The following LPP variants were observed in gnomAD, a reference collection of about 807,000 sequenced individuals.
LPP encodes the protein LIM domain containing preferred translocation partner in lipoma.
A neutral mutation model predicts 60.4 loss-of-function variants in LPP; 38 were observed. That is an observed-to-expected ratio of 0.63 (90% confidence interval 0.49 to 0.83). The LOEUF (loss-of-function observed/expected upper bound fraction) is 0.83. Among genes scored for constraint, LPP ranks in the 40% least tolerant of loss-of-function variants. The probability of loss-of-function intolerance (pLI) is 0.00; values close to 1 mark genes in which losing one functional copy is unlikely to be tolerated. For missense variants in LPP, 902 were observed against 783.6 expected (o/e 1.15, Z -1.80); for synonymous variants, 328 against 290.8 (o/e 1.13, Z -1.30).
chr3:188,743,686 T>TC (rs1474465970), intron 8 of LPP: 1 of 152,094 alleles, frequency 6.6e-6, no homozygotes, highest in Non-Finnish European at 1.5e-5. Context: ...GGCAGTGTAC[T>TC]CCAACTTCCT....
At chr3:188,240,241 A>C (rs548772304) in intron 2 of LPP, 1 of 174,740 alleles carries the variant, frequency 5.7e-6, no homozygotes, top group East Asian at 1.0e-4. Flanking sequence ...TTGGTATCAA[A>C]TTTTAAGCCA....
At chr3:188,660,059 A>G (rs1261164753) in intron 7 of LPP, among the ~76,000 whole-genome samples, 1 of 152,130 alleles carries the variant, frequency 6.6e-6, no homozygotes, top group African/African-American at 2.4e-5. Flanking sequence ...CACAGCTCAC[A>G]TATTTGTTTT....
In LPP at chr3:188,514,985, C is replaced by T. The variant is rs542575631; in HGVS notation, c.307-9680C>T. ...TTGGGTTGGCCAAACATTGCTAACA[C>T]TGGGTGAGTGTGTTAGGGCTGAAAA... On this transcript the variant is annotated intron_variant, in intron 5 of 11. Coordinates refer to ENST00000617246, the MANE Select transcript of LPP (RefSeq NM_001375462.1). Among the ~76,000 whole-genome samples, 30 of 152,176 alleles carry T rather than the reference C, an allele frequency of 2.0e-4. No homozygotes were observed. In the Middle Eastern group the frequency reaches 0.01, roughly 52 times the overall value.
intron 9 of LPP, among the ~76,000 whole-genome samples, chr3:188,828,179 AATAATTGGC>A (rs931716946): frequency 2.6e-5 from 4 of 152,140 alleles, no homozygotes; most frequent in Non-Finnish European, 4.4e-5. Context: ...CAATAAACAA[AATAATTGGC>A]AAATTATATA....
At chr3:188,240,441 T>C (rs1723896180) in intron 2 of LPP, among the ~76,000 whole-genome samples, 1 of 151,784 alleles carries the variant, frequency 6.6e-6, no homozygotes, top group African/African-American at 2.4e-5. Flanking sequence ...TCAGATTGTT[T>C]GACAGTAGCA....
Position 188,890,499 on chromosome 3 carries a change from T to C in LPP, c.*16020T>C, listed in dbSNP as rs1307182838. ...TATTTTCTTTTGTGTTTATGCATTA[T>C]CTGACTATATTAAAACCTGTTTTTC... On this transcript the variant is annotated 3_prime_UTR_variant, in exon 12 of 12. Transcript: ENST00000617246. 1.1e-5 allele frequency: 2 copies of C among 188,638 alleles called. No homozygotes were observed. Among genetic ancestry groups the C allele is most frequent in the Non-Finnish European group, 2.2e-5 (2 of 89,778 alleles). 11.7% of individuals were successfully genotyped at this position (188,638 alleles called of 1,614,324 possible).
chr3:188,843,374 G>T (rs562316575), intron 9 of LPP, among the ~76,000 whole-genome samples: 4 of 152,150 alleles, frequency 2.6e-5, no homozygotes, highest in Non-Finnish European at 5.9e-5. Context: ...GCAGCTCTGC[G>T]CTGGCTTGGC....
At chr3:188,620,143 A>G (rs1845544204) in intron 7 of LPP, among the ~76,000 whole-genome samples, 1 of 152,190 alleles carries the variant, frequency 6.6e-6, no homozygotes. Context: ...ATTTGCATAC[A>G]GTATAATTCG....
At chr3:188,456,439 A>AC (rs1396661730) in intron 4 of LPP, among the ~76,000 whole-genome samples, 1 of 152,254 alleles carries the variant, frequency 6.6e-6, no homozygotes, top group Admixed American at 6.5e-5. Flanking sequence ...TAAAAGAAAC[A>AC]CAGGTATGTT....
At position 188,381,602 on chromosome 3, in the gene LPP, C is replaced by T. The variant is rs189237149; in HGVS notation, c.-9-24510C>T. On this transcript the variant is annotated intron_variant, in intron 3 of 11. Coordinates refer to ENST00000617246, the MANE Select transcript of LPP (RefSeq NM_001375462.1). ...AGGAGTAGGTACCCACTTTCCGATT[C>T]GGGGGACTGGATTGTGTCATTCATT... is the stretch of plus-strand genomic sequence containing the variant. Among the ~76,000 whole-genome samples the T allele has an allele frequency of 2.1e-3, 314 of 152,208 alleles. 3 individuals are homozygous for T. Among genetic ancestry groups the T allele is most frequent in the African/African-American group, 7.3e-3 (305 of 41,542 alleles).
intron 7 of LPP, among the ~76,000 whole-genome samples, chr3:188,621,626 T>C (rs532922831): frequency 5.8e-4 from 88 of 152,324 alleles, no homozygotes; most frequent in Admixed American, 2.9e-3. Context: ...GTGTAACCGA[T>C]AAATTAGTAT....
At position 188,862,712 on chromosome 3, in the gene LPP, C is replaced by CAAA. The variant is rs140751676; in HGVS notation, c.1411-3483_1411-3481dup. On this transcript the variant is annotated intron_variant, in intron 9 of 11. Coordinates refer to ENST00000617246, the MANE Select transcript of LPP (RefSeq NM_001375462.1). ...TATCAATGCTGGCAACCCTACTAGA[C>CAAA]AAAAAAATAAATAAATAAATAAATA... Among the ~76,000 whole-genome samples the CAAA allele has an allele frequency of 1.7e-3, 92 of 55,344 alleles. 1 individual carries two copies. Among genetic ancestry groups the CAAA allele is most frequent in the East Asian group, 7.2e-3 (5 of 696 alleles). 36.3% of individuals were successfully genotyped at this position (55,344 alleles called of 152,430 possible). A position where few individuals can be genotyped will look rare whatever the true frequency, so the allele number is the denominator to read the frequency against.
intron 2 of LPP, chr3:188,240,026 C>G (rs73190772): frequency 2.0e-5 from 4 of 196,492 alleles, no homozygotes; most frequent in African/African-American, 4.6e-5. Flanking sequence ...TCTCAGAGAG[C>G]AAGAAATAGA....
At chr3:188,656,008 G>T (rs867644264) in intron 7 of LPP, among the ~76,000 whole-genome samples, 8 of 151,848 alleles carry the variant, frequency 5.3e-5, no homozygotes, top group Non-Finnish European at 8.8e-5. Context: ...TGACCAACAC[G>T]GTGAAACCCC....
At chr3:188,733,740 T>G (rs1307307054) in intron 8 of LPP, among the ~76,000 whole-genome samples, 2 of 152,178 alleles carry the variant, frequency 1.3e-5, no homozygotes, top group Admixed American at 1.3e-4. Context: ...TTTCAGGTTC[T>G]TCAGTGATTA....
At chr3:188,722,697 A>G (rs528431739) in intron 8 of LPP, among the ~76,000 whole-genome samples, 12 of 152,246 alleles carry the variant, frequency 7.9e-5, no homozygotes, top group Non-Finnish European at 1.6e-4. Context: ...AGAACCTCAG[A>G]GTCTTCCTGA....
At chr3:188,601,484 A>C (rs1174139718) in intron 6 of LPP, among the ~76,000 whole-genome samples, 1 of 152,202 alleles carries the variant, frequency 6.6e-6, no homozygotes, top group East Asian at 1.9e-4. Flanking sequence ...CCCTAAATCT[A>C]AATTATATAA....
intron 9 of LPP, among the ~76,000 whole-genome samples, chr3:188,766,027 C>T (rs1232312829): frequency 1.3e-5 from 2 of 151,632 alleles, no homozygotes; most frequent in African/African-American, 4.8e-5. Context: ...CCCACCACCA[C>T]GCCCGGCTAA....
intron 7 of LPP, among the ~76,000 whole-genome samples, chr3:188,647,484 G>A (rs1045696118): frequency 5.3e-5 from 8 of 152,086 alleles, no homozygotes; most frequent in Admixed American, 6.5e-5. Flanking sequence ...TTGACTTAGC[G>A]TGTTTATACC....
Sources: allele counts gnomAD v4.1 joint callset (sites outside exome capture counted in the v4.1 genomes callset), GRCh38; gene constraint gnomAD v4.1.1; transcripts MANE v1.5; gene names NCBI Gene and HGNC (gene_info 2026-07-23, HGNC 2026-07-21).